The following RBPMS variants were observed in gnomAD, a reference collection of about 807,000 sequenced individuals.
RBPMS encodes RNA-binding protein with multiple splicing.
RBPMS carries 7 observed loss-of-function variants against 26.8 expected under a neutral mutation model. The ratio of observed to expected loss-of-function variants is 0.26; its 90% CI spans 0.15 to 0.49. The LOEUF is 0.49. Ranked by LOEUF, RBPMS falls within the 20% of genes least tolerant of loss-of-function variation. The pLI, the probability that RBPMS is intolerant of heterozygous loss-of-function variation, is 0.98. For missense variants in RBPMS, 186 were observed against 250.0 expected (o/e 0.74, Z 1.73); for synonymous variants, 96 against 93.3 (o/e 1.03, Z -0.17).
intron 5 of RBPMS, among the ~76,000 whole-genome samples, chr8:30,534,481 C>T (rs1824595252): frequency 6.6e-6 from 1 of 152,198 alleles, no homozygotes; most frequent in Non-Finnish European, 1.5e-5. Flanking sequence ...ATGTTTTTAA[C>T]ATTCCCTGTG....
chr8:30,418,821 C>G (rs887443984), intron 1 of RBPMS, among the ~76,000 whole-genome samples: 1 of 152,106 alleles, frequency 6.6e-6, no homozygotes, highest in Admixed American at 6.6e-5. Flanking sequence ...TCAAGTGATC[C>G]ATCCGCCTCA....
At chr8:30,549,809 T>TCTCTC (rs1554543963) in intron 6 of RBPMS, among the ~76,000 whole-genome samples, 2 of 92,612 alleles carry the variant, frequency 2.2e-5, no homozygotes, top group African/African-American at 8.8e-5. Context: ...CTCTCTCCTC[T>TCTCTC]CTCTCTCTCT....
At chr8:30,549,609 G>A in intron 6 of RBPMS, 1 of 1,585,616 alleles carries the variant, frequency 6.3e-7, no homozygotes, top group Non-Finnish European at 8.7e-7. Flanking sequence ...GGAGCACCTG[G>A]CTTAGCTCTC....
At chr8:30,563,487 G>A (rs1202342814) in intron 7 of RBPMS, among the ~76,000 whole-genome samples, 5 of 152,212 alleles carry the variant, frequency 3.3e-5, no homozygotes, top group African/African-American at 1.2e-4. Context: ...ACCAGCGTTT[G>A]GGAGCCAAGT....
intron 5 of RBPMS, among the ~76,000 whole-genome samples, chr8:30,541,033 G>T (rs1825334928): frequency 6.6e-6 from 1 of 152,192 alleles, no homozygotes; most frequent in African/African-American, 2.4e-5. Context: ...TTTCCAAATA[G>T]ATGTTTTCAG....
At chr8:30,449,259 C>T (rs113492924) in intron 1 of RBPMS, among the ~76,000 whole-genome samples, 2,064 of 152,170 alleles carry the variant, frequency 0.014, 22 homozygotes, top group Non-Finnish European at 0.018. Flanking sequence ...AGGAAACTAA[C>T]ATGATCTTTT....
chr8:30,477,153 T>C (rs987796955), intron 2 of RBPMS, among the ~76,000 whole-genome samples: 1 of 152,042 alleles, frequency 6.6e-6, no homozygotes, highest in Admixed American at 6.6e-5. Flanking sequence ...CCCGGGTTCA[T>C]ACCATTCTCC....
chr8:30,517,189 C>CGTGTGTGT (rs56327512), intron 5 of RBPMS, among the ~76,000 whole-genome samples: 1,563 of 132,516 alleles, frequency 0.012, 18 homozygotes, highest in African/African-American at 0.026. Flanking sequence ...GCCAAGACCC[C>CGTGTGTGT]GTGTGTGTGT....
chr8:30,417,307 T>G (rs1487439657), intron 1 of RBPMS, among the ~76,000 whole-genome samples: 2 of 152,220 alleles, frequency 1.3e-5, no homozygotes, highest in African/African-American at 4.8e-5. Context: ...TCCAATGCCC[T>G]CTGTTTTTTC....
chr8:30,529,649 T>A (rs990279215), intron 5 of RBPMS, among the ~76,000 whole-genome samples: 1 of 152,238 alleles, frequency 6.6e-6, no homozygotes, highest in African/African-American at 2.4e-5. Context: ...AGACATCATA[T>A]AAGTGGAGTC....
chr8:30,544,597 C>T lies in RBPMS; in HGVS notation c.501C>T (p.Phe167=). The T allele has an allele frequency of 1.2e-6, 2 of 1,614,192 alleles. No individual in the cohort carries two copies. Among genetic ancestry groups the T allele is most frequent in the Non-Finnish European group, 1.7e-6 (2 of 1,180,044 alleles). The change falls in exon 6 of 9, where the codon TTC becomes TTT. Residue 167 remains phenylalanine (F), a synonymous_variant. Coordinates refer to ENST00000397323, the MANE Select transcript of RBPMS (RefSeq NM_001008710.3). Reference sequence around the variant, plus strand: ...CGCCTGCTCTACCTCCTCCTGCTTTCACCTATCCCGCTTCACTGCATGCCC... The same window carrying T: ...CGCCTGCTCTACCTCCTCCTGCTTTTACCTATCCCGCTTCACTGCATGCCC... ...ELAPALPPPA[F]TYPASLHAQM... is the part of the protein sequence containing the mutation.
rs548005110 is a variant in RBPMS at position 30,390,917 on chromosome 8, T to G, written c.66+5759T>G. 2.6e-5 allele frequency among the ~76,000 whole-genome samples: 4 copies of G among 152,320 alleles called. No individual in the cohort carries two copies. In the East Asian group the frequency reaches 5.8e-4, roughly 22 times the overall value. Reference sequence around the variant, plus strand: ...TAGCCTTATTGGTGAGGTTGGTGATTATGAGTTTGTACAGGTAATAAGAAG... The same window carrying G: ...TAGCCTTATTGGTGAGGTTGGTGATGATGAGTTTGTACAGGTAATAAGAAG... On this transcript the variant is annotated intron_variant, in intron 1 of 8. Coordinates refer to ENST00000397323, the MANE Select transcript of RBPMS (RefSeq NM_001008710.3).
chr8:30,444,644 A>G lies in RBPMS; in HGVS notation c.67-30135A>G, dbSNP rs562104065. 3.3e-5 allele frequency: 5 copies of G among 152,262 alleles called. No individual in the cohort carries two copies. In the East Asian group the frequency reaches 9.7e-4, roughly 29 times the overall value. The allele number at this position is 152,262 out of a possible 1,614,324, so 9.4% of individuals were successfully genotyped here. The stretch of plus-strand genomic sequence containing the variant: ...AAGGCCTACATAAGTATCTGTGTGT[A>G]TTTTTCGCATATTATCTCATTTGGG... On this transcript the variant is annotated intron_variant, in intron 1 of 8. Transcript: ENST00000397323.
intron 5 of RBPMS, among the ~76,000 whole-genome samples, chr8:30,505,443 C>T (rs1019371420): frequency 4.6e-5 from 7 of 152,182 alleles, no homozygotes; most frequent in Non-Finnish European, 1.0e-4. Context: ...AAGTCACAGC[C>T]ATTCTGTAGT....
intron 1 of RBPMS, among the ~76,000 whole-genome samples, chr8:30,435,173 A>C (rs920127975): frequency 6.6e-6 from 1 of 152,226 alleles, no homozygotes; most frequent in East Asian, 1.9e-4. Flanking sequence ...AAAACTTTGC[A>C]GTCAAAACTT....
chr8:30,545,357 T>G (rs1825787259), intron 6 of RBPMS: 1 of 1,149,106 alleles, frequency 8.7e-7, no homozygotes, highest in Middle Eastern at 3.6e-4. Flanking sequence ...AATATTTCTC[T>G]TAGCTTCGCT....
intron 6 of RBPMS, among the ~76,000 whole-genome samples, chr8:30,546,132 G>A (rs1190641550): frequency 6.6e-6 from 1 of 152,122 alleles, no homozygotes; most frequent in Non-Finnish European, 1.5e-5. Flanking sequence ...GATGACATGG[G>A]GCAACTAAGA....
At chr8:30,547,315 CAA>C in intron 6 of RBPMS, 1 of 1,612,112 alleles carries the variant, frequency 6.2e-7, no homozygotes, top group Non-Finnish European at 8.5e-7. Flanking sequence ...AGGCAAAGCC[CAA>C]CACACCTGTC....
chr8:30,385,427 A>G (rs1370819635), intron 1 of RBPMS: 5 of 325,466 alleles, frequency 1.5e-5, no homozygotes, highest in Admixed American at 1.0e-4. Flanking sequence ...CCCGGGATTT[A>G]TAAGTGGAAC....
Sources: gnomAD v4.1 joint callset for allele counts (sites outside exome capture counted in the v4.1 genomes callset) on GRCh38, gnomAD v4.1.1 for gene constraint, MANE v1.5 for transcripts, NCBI Gene and HGNC (gene_info 2026-07-23, HGNC 2026-07-21) for gene names.